The following SIK2 variants were observed in gnomAD, a reference collection of about 807,000 sequenced individuals.
SIK2 encodes the protein salt inducible kinase 2, also known as serine/threonine-protein kinase SIK2.
A neutral mutation model predicts 103.2 loss-of-function variants in SIK2; 29 were observed. That is an observed-to-expected ratio of 0.28 (90% confidence interval 0.21 to 0.38). The LOEUF (loss-of-function observed/expected upper bound fraction) is 0.38. Ranked by LOEUF, SIK2 falls within the 10% of genes least tolerant of loss-of-function variation. SIK2 has a pLI of 1.00. For missense variants in SIK2, 879 were observed against 1,171.0 expected, an observed-to-expected ratio of 0.75 and a Z score of 3.64; for synonymous variants, 412 against 446.1, an observed-to-expected ratio of 0.92 and a Z score of 0.96.
rs546932245 is a variant in SIK2, at chr11:111,724,758, C to A, written c.*629C>A. 2 of 152,618 alleles carry A rather than the reference C, an allele frequency of 1.3e-5. No homozygotes were observed. The highest frequency in any genetic ancestry group is 2.9e-5 in the Non-Finnish European group (2 of 68,410). 9.5% of individuals were successfully genotyped at this position (152,618 alleles called of 1,614,324 possible). Reference sequence around the variant, plus strand: ...AACAGCTGGTACTGACCCCAGAAACCGCCTTCATCTCCATTCGGAAGCAGG... The same window carrying A: ...AACAGCTGGTACTGACCCCAGAAACAGCCTTCATCTCCATTCGGAAGCAGG... On this transcript the variant is annotated 3_prime_UTR_variant, in exon 15 of 15. Transcript: ENST00000304987.
Position 111,724,290 on chromosome 11 carries a change from G to T in SIK2, c.*161G>T, listed in dbSNP as rs569014229. On this transcript the variant is annotated 3_prime_UTR_variant, in exon 15 of 15. Transcript: ENST00000304987. The stretch of plus-strand genomic sequence containing the variant: ...AGAGGGTCTGGCTGGGGTGGATGTT[G>T]CTTCCTCCTGGTTCTGCCCCACCAC... 2 of 1,043,578 alleles carry T rather than the reference G, an allele frequency of 1.9e-6. No homozygotes were observed. The highest frequency in any genetic ancestry group is 2.9e-5 in the Admixed American group (1 of 34,450). 64.6% of individuals were successfully genotyped at this position (1,043,578 alleles called of 1,614,324 possible).
chr11:111,728,602 T>C lies in SIK2; in HGVS notation c.*4473T>C, dbSNP rs2135995612. 6.6e-6 allele frequency: 1 copy of C among 152,130 alleles called. No individual in the cohort carries two copies. The highest frequency in any genetic ancestry group is 1.5e-5 in the Non-Finnish European group (1 of 68,016). 9.4% of individuals were successfully genotyped at this position (152,130 alleles called of 1,614,324 possible). On this transcript the variant is annotated 3_prime_UTR_variant, in exon 15 of 15. Coordinates refer to ENST00000304987, the MANE Select transcript of SIK2 (RefSeq NM_015191.3). ...CCACACCCGACCTGGAATTTTTTTATAGAACTTATCTTCAGAGCAATGTAT... is the reference window on the plus strand; with the variant it reads ...CCACACCCGACCTGGAATTTTTTTACAGAACTTATCTTCAGAGCAATGTAT...
At chr11:111,647,551 AC>A (rs11307755) in intron 3 of SIK2, among the ~76,000 whole-genome samples, 134,267 of 134,300 alleles carry the variant, frequency 1, 67,117 homozygotes, top group African/African-American at 1. Context: ...GCAGAGGGAG[AC>A]CCCCATCTCG....
rs1380531284 is a variant in SIK2, at chr11:111,729,460, CCTT to C, written c.*5332_*5334del. The stretch of plus-strand genomic sequence containing the variant: ...ATGAAATTAGCTGGGGAGATACTGT[CCTT>C]ATTTTTCACAGCTGAAGAAACCAAA... On this transcript the variant is annotated 3_prime_UTR_variant, in exon 15 of 15. Transcript: ENST00000304987. 2 of 152,222 alleles carry C rather than the reference CCTT, an allele frequency of 1.3e-5. No homozygotes were observed. Among genetic ancestry groups the C allele is most frequent in the African/African-American group, 4.8e-5 (2 of 41,458 alleles). The allele number at this position is 152,222 out of a possible 1,614,324, so 9.4% of individuals were successfully genotyped here.
At chr11:111,715,010 C>A (rs1319175671) in intron 9 of SIK2, among the ~76,000 whole-genome samples, 1 of 152,202 alleles carries the variant, frequency 6.6e-6, no homozygotes, top group Non-Finnish European at 1.5e-5. Context: ...GCACTGACTG[C>A]TGTATTATAT....
At chr11:111,709,119 G>A (rs539001995) in intron 8 of SIK2, among the ~76,000 whole-genome samples, 4 of 152,322 alleles carry the variant, frequency 2.6e-5, no homozygotes, top group South Asian at 4.1e-4. Context: ...TCGGGAGGCC[G>A]GAAATCAGGA....
intron 3 of SIK2, among the ~76,000 whole-genome samples, chr11:111,632,221 A>G (rs1451611566): frequency 2.6e-5 from 4 of 152,166 alleles, no homozygotes; most frequent in Non-Finnish European, 2.9e-5. Context: ...AAGGAACGGT[A>G]CCTCTTCCTC....
intron 4 of SIK2, among the ~76,000 whole-genome samples, chr11:111,700,553 T>C (rs1414326854): frequency 6.6e-5 from 10 of 152,216 alleles, no homozygotes; most frequent in Admixed American, 5.9e-4. Flanking sequence ...CATCAGGTAA[T>C]TGAAATTCTA....
At position 111,730,090 on chromosome 11, in the gene SIK2, G is replaced by C. The variant is rs1172827611; in HGVS notation, c.*5961G>C. On this transcript the variant is annotated 3_prime_UTR_variant, in exon 15 of 15. Transcript: ENST00000304987. The stretch of plus-strand genomic sequence containing the variant: ...CCTTACAGTCAAGCCCCATCAACTA[G>C]AAGTGCTTATTACTTTTAGGATTAA... 6.6e-6 allele frequency: 1 copy of C among 152,208 alleles called. No individual in the cohort carries two copies. The highest frequency in any genetic ancestry group is 6.5e-5 in the Admixed American group (1 of 15,278). 9.4% of individuals were successfully genotyped at this position (152,208 alleles called of 1,614,324 possible).
chr11:111,723,719 C>T lies in SIK2; in HGVS notation c.2371C>T (p.Leu791Phe), dbSNP rs200829896. ...CGAGCAGATGCAATACAGCCCTTTCCTCAGCCAGTACCAAGAGATGCAGCT... is the reference window on the plus strand; with the variant it reads ...CGAGCAGATGCAATACAGCCCTTTCTTCAGCCAGTACCAAGAGATGCAGCT... ...SSEQMQYSPF[L>F]SQYQEMQLQP... The change falls in exon 15 of 15, where the codon CTC becomes TTC. Residue 791 changes from leucine (L) to phenylalanine (F), a missense_variant. Physicochemically the swap from Leu to Phe is conservative, Grantham distance 22. Coordinates refer to ENST00000304987, the MANE Select transcript of SIK2 (RefSeq NM_015191.3). 7 of 1,614,196 alleles carry T rather than the reference C, an allele frequency of 4.3e-6. No homozygotes were observed. In the African/African-American group the frequency reaches 9.3e-5, roughly 22 times the overall value.
intron 3 of SIK2, 46 bp downstream of exon 3, chr11:111,620,448 A>G (rs199777957): frequency 1.7e-4 from 200 of 1,163,936 alleles, no homozygotes; most frequent in South Asian, 7.1e-4. Context: ...AAAATTCACT[A>G]ATCTGCATGA....
intron 1 of SIK2, among the ~76,000 whole-genome samples, chr11:111,604,786 C>A (rs188131005): frequency 6.6e-6 from 1 of 152,178 alleles, no homozygotes; most frequent in East Asian, 1.9e-4. Context: ...TCTAAAGAAG[C>A]TGTTATTAAC....
At chr11:111,647,661 C>G (rs1474405359) in intron 3 of SIK2, among the ~76,000 whole-genome samples, 1 of 151,108 alleles carries the variant, frequency 6.6e-6, no homozygotes, top group African/African-American at 2.4e-5. Context: ...GTCAGGAGAT[C>G]GAGACCATCC....
intron 9 of SIK2, 96 bp downstream of exon 9, chr11:111,712,471 A>C: frequency 1.5e-6 from 2 of 1,335,704 alleles, no homozygotes; most frequent in East Asian, 5.0e-5. Context: ...GAACTTTATC[A>C]TTTCGTTAAG....
At chr11:111,629,394 C>G (rs949177963) in intron 3 of SIK2, among the ~76,000 whole-genome samples, 1 of 152,148 alleles carries the variant, frequency 6.6e-6, no homozygotes, top group Non-Finnish European at 1.5e-5. Context: ...TAGCACCTGT[C>G]AAGAATTCCT....
At chr11:111,706,597 A>G (rs1286384314) in intron 8 of SIK2, among the ~76,000 whole-genome samples, 1 of 152,208 alleles carries the variant, frequency 6.6e-6, no homozygotes, top group Non-Finnish European at 1.5e-5. Context: ...GTATGTTTTA[A>G]AAAAGGGAAT....
At chr11:111,713,972 A>T (rs918086996) in intron 9 of SIK2, among the ~76,000 whole-genome samples, 2 of 152,200 alleles carry the variant, frequency 1.3e-5, no homozygotes, top group Non-Finnish European at 2.9e-5. Flanking sequence ...ATCTCAAAAA[A>T]AAAATAAATA....
At chr11:111,697,756 T>C (rs1365599765) in intron 4 of SIK2, among the ~76,000 whole-genome samples, 1 of 151,780 alleles carries the variant, frequency 6.6e-6, no homozygotes, top group Admixed American at 6.6e-5. Flanking sequence ...CTTTGGGTGC[T>C]GAGGCAGGAG....
chr11:111,661,838 C>T (rs577699086), intron 3 of SIK2, among the ~76,000 whole-genome samples: 2 of 152,288 alleles, frequency 1.3e-5, no homozygotes, highest in African/African-American at 4.8e-5. Flanking sequence ...ATCATGAGAA[C>T]ATCATGGGAA....
Sources: gnomAD v4.1 joint callset for allele counts (sites outside exome capture counted in the v4.1 genomes callset) on GRCh38, gnomAD v4.1.1 for gene constraint, MANE v1.5 for transcripts, NCBI Gene and HGNC (gene_info 2026-07-23, HGNC 2026-07-21) for gene names.